KIDINS220: variants seen among roughly 807,000 people sequenced by gnomAD.
The protein encoded by KIDINS220 is kinase D-interacting substrate of 220 kDa.
A neutral mutation model predicts 157.6 loss-of-function variants in KIDINS220; 63 were observed. That is an observed-to-expected ratio of 0.40 (90% CI 0.33 to 0.49). The LOEUF is 0.49. Among genes scored for constraint, KIDINS220 ranks in the 20% least tolerant of loss-of-function variants. The pLI is 0.66. For missense variants in KIDINS220, 1,772 were observed against 2,171.2 expected (o/e 0.82, Z 3.65); for synonymous variants, 732 against 783.6 (o/e 0.93, Z 1.10).
chr2:8,735,208 A>G (rs994676554), intron 27 of KIDINS220, among the ~76,000 whole-genome samples: 2 of 152,244 alleles, frequency 1.3e-5, no homozygotes, highest in Non-Finnish European at 2.9e-5. Flanking sequence ...ACAGATATGA[A>G]GAATGCCCAC....
intron 22 of KIDINS220, among the ~76,000 whole-genome samples, chr2:8,759,144 AG>A (rs1161598857): frequency 6.6e-6 from 1 of 152,212 alleles, no homozygotes; most frequent in African/African-American, 2.4e-5. Flanking sequence ...TATATTCTGC[AG>A]GCCAAATAGA....
At position 8,817,833 on chromosome 2, in the gene KIDINS220, C is replaced by A. The variant is rs910685733; in HGVS notation, c.208-117G>T. On this transcript the variant is annotated intron_variant, in intron 3 of 29. Coordinates refer to ENST00000256707, the MANE Select transcript of KIDINS220 (RefSeq NM_020738.4). ...TCATACCAAGTTGACATGGTGTGACCCATGCTAACTAAACTACTCTAAAGT... is the reference window on the plus strand; with the variant it reads ...TCATACCAAGTTGACATGGTGTGACACATGCTAACTAAACTACTCTAAAGT... The A allele has an allele frequency of 3.9e-5, 24 of 620,396 alleles. No individual in the cohort carries two copies. In the East Asian group the frequency reaches 4.0e-4, roughly 10 times the overall value. The allele number at this position is 620,396 out of a possible 1,614,324, so 38.4% of individuals were successfully genotyped here.
At position 8,729,585 on chromosome 2, in the gene KIDINS220, G is replaced by GATAT; in HGVS notation, c.*1131_*1134dup. 2 of 958,684 alleles carry GATAT rather than the reference G, an allele frequency of 2.1e-6. No homozygotes were observed. Among genetic ancestry groups the GATAT allele is most frequent in the South Asian group, 4.8e-5 (1 of 20,716 alleles). The allele number at this position is 958,684 out of a possible 1,614,324, so 59.4% of individuals were successfully genotyped here. Reference sequence around the variant, plus strand: ...CTTTTACAGTCACAGCACTTATATAGATATATATATATATTTTACCCTTGC... The same window carrying GATAT: ...CTTTTACAGTCACAGCACTTATATAGATATATATATATATATATTTTACCCTTGC... On this transcript the variant is annotated 3_prime_UTR_variant, in exon 30 of 30. Coordinates refer to ENST00000256707, the MANE Select transcript of KIDINS220 (RefSeq NM_020738.4).
chr2:8,747,970 T>G lies in KIDINS220; in HGVS notation c.3445A>C (p.Arg1149=), dbSNP rs756219450. The change falls in exon 25 of 30, where the codon AGG becomes CGG. Residue 1149 remains arginine, a synonymous_variant. Transcript: ENST00000256707. The stretch of plus-strand genomic sequence containing the variant: ...TGTTGGGAGCCGCCAGGGTAATACC[T>G]TGGCGTGTAAAGGTATGGGGCAAAG... The part of the protein sequence containing the change: ...PFFAPYLYTP[R]YYPGGSQHLI... 1 of 1,597,652 alleles carries G rather than the reference T, an allele frequency of 6.3e-7. No individual in the cohort carries two copies. Among genetic ancestry groups the G allele is most frequent in the East Asian group, 2.3e-5 (1 of 43,648 alleles).
chr2:8,829,747 T>C (rs1405527764), intron 1 of KIDINS220, among the ~76,000 whole-genome samples: 2 of 152,132 alleles, frequency 1.3e-5, no homozygotes, highest in African/African-American at 4.8e-5. Context: ...AATTTTTATT[T>C]TCTTTAAAAC....
chr2:8,779,652 T>C (rs1558404745), intron 18 of KIDINS220, 22 bp downstream of exon 18: 1 of 1,604,138 alleles, frequency 6.2e-7, no homozygotes, highest in Non-Finnish European at 8.5e-7. Context: ...CAATGGTGGC[T>C]TTTGAGGTGG....
At chr2:8,737,219 C>T (rs977582788) in intron 26 of KIDINS220, 2 of 391,198 alleles carry the variant, frequency 5.1e-6, no homozygotes, top group African/African-American at 4.1e-5. Flanking sequence ...CTGGTCAAAA[C>T]CATTTTTTCT....
At chr2:8,752,276 C>G (rs1667465008) in intron 22 of KIDINS220, among the ~76,000 whole-genome samples, 2 of 152,158 alleles carry the variant, frequency 1.3e-5, no homozygotes, top group Non-Finnish European at 2.9e-5. Flanking sequence ...TCACCTTGGC[C>G]TCCCTATTGG....
chr2:8,815,562 G>C (rs568589780), intron 4 of KIDINS220, among the ~76,000 whole-genome samples: 3 of 152,044 alleles, frequency 2.0e-5, no homozygotes, highest in South Asian at 4.1e-4. Context: ...CCAGCTCCTC[G>C]GGAGGCTGAG....
chr2:8,749,516 G>T, intron 24 of KIDINS220: 3 of 396,388 alleles, frequency 7.6e-6, no homozygotes, highest in Non-Finnish European at 1.5e-5. Flanking sequence ...ATAATTAGTT[G>T]CATTTCATCT....
chr2:8,755,691 T>C (rs369855746), intron 22 of KIDINS220, among the ~76,000 whole-genome samples: 1 of 152,262 alleles, frequency 6.6e-6, no homozygotes, highest in Non-Finnish European at 1.5e-5. Context: ...TTCATTCTTT[T>C]GCATGTGGAA....
Position 8,790,017 on chromosome 2 carries a change from A to G in KIDINS220, c.1484T>C (p.Phe495Ser). Reference sequence around the variant, plus strand: ...AAACACTATGAGCCATGAGAACTGAAAGAGAGGCTCAATCTGTTGTCCGGC... The same window carrying G: ...AAACACTATGAGCCATGAGAACTGAGAGAGAGGCTCAATCTGTTGTCCGGC... The part of the protein sequence containing the change: ...TFAGQQIEPL[F>S]QFSWLIVFLT... The change falls in exon 14 of 30, where the codon TTT becomes TCT. Residue 495 changes from phenylalanine to serine, a missense_variant. Phe to Ser is a radical substitution (Grantham distance 155). This residue lies in a region of KIDINS220 where 725 missense variants were observed against 1,017.1 expected (regional missense o/e 0.71). Transcript: ENST00000256707. 2 of 1,608,758 alleles carry G rather than the reference A, an allele frequency of 1.2e-6. No homozygotes were observed. Among genetic ancestry groups the G allele is most frequent in the Non-Finnish European group, 8.5e-7 (1 of 1,178,778 alleles).
At chr2:8,825,193 G>A (rs1678567841) in intron 2 of KIDINS220, among the ~76,000 whole-genome samples, 1 of 151,862 alleles carries the variant, frequency 6.6e-6, no homozygotes, top group Non-Finnish European at 1.5e-5. Flanking sequence ...CCAACATGGT[G>A]AAACCCCATC....
intron 22 of KIDINS220, among the ~76,000 whole-genome samples, chr2:8,755,667 G>A (rs1180819525): frequency 2.6e-5 from 4 of 152,166 alleles, no homozygotes; most frequent in Non-Finnish European, 2.9e-5. Context: ...CATGGTGTGG[G>A]GTAGGGGTCC....
intron 10 of KIDINS220, 114 bp from the exon 11 acceptor site, chr2:8,796,983 C>A (rs1301197138): frequency 4.6e-5 from 36 of 784,328 alleles, no homozygotes; most frequent in Non-Finnish European, 2.2e-6. Context: ...ATATTTAAAA[C>A]CCTCTCAAGA....
At chr2:8,755,680 C>T (rs987623968) in intron 22 of KIDINS220, among the ~76,000 whole-genome samples, 1 of 152,220 alleles carries the variant, frequency 6.6e-6, no homozygotes, top group Non-Finnish European at 1.5e-5. Flanking sequence ...AGGGGTCCAA[C>T]TTCATTCTTT....
chr2:8,788,680 A>G lies in KIDINS220; in HGVS notation c.1754T>C (p.Leu585Ser). The G allele has an allele frequency of 6.2e-7, 1 of 1,614,186 alleles. No individual in the cohort carries two copies. Among genetic ancestry groups the G allele is most frequent in the Non-Finnish European group, 8.5e-7 (1 of 1,180,000 alleles). Residue 585 changes from leucine to serine, a missense_variant, in exon 15 of 30, where the codon TTG becomes TCG. Coordinates refer to ENST00000256707, the MANE Select transcript of KIDINS220 (RefSeq NM_020738.4). Reference protein sequence around the residue: ...LKLMFVNPPELPEQTTKALPV... With the variant: ...LKLMFVNPPESPEQTTKALPV... ...TAAAGCTTTAGTAGTCTGCTCTGGC[A>G]ACTCAGGTGGATTCACAAACATCAA...
chr2:8,786,163 C>T, intron 16 of KIDINS220, 43 bp downstream of exon 16: 2 of 1,609,314 alleles, frequency 1.2e-6, no homozygotes, highest in Non-Finnish European at 1.7e-6. Flanking sequence ...ATCTATCCCA[C>T]CCCCATCCCT....
intron 11 of KIDINS220, among the ~76,000 whole-genome samples, chr2:8,796,446 C>T (rs938263230): frequency 6.6e-6 from 1 of 152,162 alleles, no homozygotes; most frequent in Non-Finnish European, 1.5e-5. Context: ...TCCTCCAGCC[C>T]CTGTGCATTC....
Sources: gnomAD v4.1 joint callset for allele counts (sites outside exome capture counted in the v4.1 genomes callset) on GRCh38, gnomAD v4.1.1 for gene constraint, gnomAD v4.1.1 regional missense constraint, MANE v1.5 for transcripts, NCBI Gene and HGNC (gene_info 2026-07-23, HGNC 2026-07-21) for gene names.